CNTN4: variants seen among roughly 807,000 people sequenced by gnomAD.
The protein encoded by CNTN4 is contactin 4.
A neutral mutation model predicts 122.5 loss-of-function variants in CNTN4; 77 were observed. The ratio of observed to expected loss-of-function variants is 0.63; its 90% CI spans 0.52 to 0.76. The LOEUF (loss-of-function observed/expected upper bound fraction) is 0.76. CNTN4 is among the 30% of genes least tolerant of loss of function. CNTN4 has a pLI of 0.00. For missense variants in CNTN4, 1,256 were observed against 1,259.1 expected, an observed-to-expected ratio of 1.00 and a Z score of 0.04; for synonymous variants, 512 against 447.0, an observed-to-expected ratio of 1.15 and a Z score of -1.83.
chr3:2,824,819 C>T (rs142285778), intron 7 of CNTN4, among the ~76,000 whole-genome samples: 2,630 of 152,074 alleles, frequency 0.017, 56 homozygotes, highest in African/African-American at 0.06. Flanking sequence ...TGCACCACCA[C>T]ACCTGGCTAA....
At chr3:2,588,796 A>C (rs1229261268) in intron 4 of CNTN4, among the ~76,000 whole-genome samples, 1 of 151,890 alleles carries the variant, frequency 6.6e-6, no homozygotes, top group Non-Finnish European at 1.5e-5. Flanking sequence ...AAAAAAAAAA[A>C]AAAAAAAAAA....
At chr3:2,722,359 A>G (rs1007996459) in intron 4 of CNTN4, among the ~76,000 whole-genome samples, 3 of 152,186 alleles carry the variant, frequency 2.0e-5, no homozygotes, top group Non-Finnish European at 2.9e-5. Flanking sequence ...TGTTGAATGA[A>G]TGAAAGATGT....
intron 4 of CNTN4, among the ~76,000 whole-genome samples, chr3:2,710,105 C>G (rs1481925325): frequency 6.6e-6 from 1 of 152,122 alleles, no homozygotes; most frequent in Non-Finnish European, 1.5e-5. Flanking sequence ...TTAGTAAATA[C>G]AGAACATGCT....
At chr3:2,178,992 A>G (rs956504671) in intron 2 of CNTN4, among the ~76,000 whole-genome samples, 1 of 152,030 alleles carries the variant, frequency 6.6e-6, no homozygotes, top group African/African-American at 2.4e-5. Context: ...TACTTATTCT[A>G]TGACATTTCT....
intron 12 of CNTN4, among the ~76,000 whole-genome samples, chr3:2,903,619 G>A (rs1340768124): frequency 6.6e-6 from 1 of 152,104 alleles, no homozygotes; most frequent in Non-Finnish European, 1.5e-5. Flanking sequence ...CTCCTTCTCA[G>A]TTCGCATCTT....
chr3:2,301,855 A>G (rs760094643), intron 2 of CNTN4, among the ~76,000 whole-genome samples: 5 of 152,224 alleles, frequency 3.3e-5, no homozygotes, highest in Non-Finnish European at 7.3e-5. Context: ...TTAATATAAT[A>G]ATAACTGAAT....
chr3:2,706,080 G>T (rs28674062), intron 4 of CNTN4, among the ~76,000 whole-genome samples: 6,026 of 148,030 alleles, frequency 0.041, 187 homozygotes, highest in African/African-American at 0.071. Context: ...AACACTAAGT[G>T]TAAAGTTCTC....
chr3:2,322,736 A>G (rs1226300854), intron 2 of CNTN4, among the ~76,000 whole-genome samples: 1 of 152,246 alleles, frequency 6.6e-6, no homozygotes, highest in African/African-American at 2.4e-5. Context: ...AAAAGTGAAC[A>G]GAAACTTAGA....
At chr3:2,695,716 T>C (rs945625718) in intron 4 of CNTN4, among the ~76,000 whole-genome samples, 1 of 152,208 alleles carries the variant, frequency 6.6e-6, no homozygotes, top group Non-Finnish European at 1.5e-5. Flanking sequence ...CATTTCAATA[T>C]GATGCTGCAA....
intron 13 of CNTN4, among the ~76,000 whole-genome samples, chr3:2,963,612 A>G (rs2094883461): frequency 6.6e-6 from 1 of 152,164 alleles, no homozygotes; most frequent in Non-Finnish European, 1.5e-5. Flanking sequence ...ATCTTAGCTC[A>G]AGTAATACAA....
At chr3:3,042,235 C>T (rs1241849287) in intron 20 of CNTN4, 75 bp from the exon 21 acceptor site, 1 of 1,057,128 alleles carries the variant, frequency 9.5e-7, no homozygotes, top group African/African-American at 1.6e-5. Context: ...ATTATTTTAC[C>T]TTATAATGCT....
chr3:2,845,746 C>A (rs1388005932), intron 7 of CNTN4, among the ~76,000 whole-genome samples: 1 of 152,156 alleles, frequency 6.6e-6, no homozygotes, highest in Non-Finnish European at 1.5e-5. Flanking sequence ...ATGAGGCTAA[C>A]AGAGAGTCAG....
intron 3 of CNTN4, among the ~76,000 whole-genome samples, chr3:2,442,991 TAGGG>T (rs2048492161): frequency 6.6e-6 from 1 of 151,830 alleles, no homozygotes; most frequent in South Asian, 2.1e-4. Context: ...TTATGAAAAA[TAGGG>T]AGGGTGTAAG....
intron 8 of CNTN4, among the ~76,000 whole-genome samples, chr3:2,880,418 A>G (rs1191660565): frequency 6.6e-6 from 1 of 152,226 alleles, no homozygotes. Context: ...ACACAGCACT[A>G]AAAGGTGTTA....
chr3:2,297,626 G>T (rs973621136), intron 2 of CNTN4, among the ~76,000 whole-genome samples: 3 of 151,950 alleles, frequency 2.0e-5, no homozygotes, highest in Non-Finnish European at 4.4e-5. Flanking sequence ...TTTATTTTCC[G>T]TCTACCTACA....
At chr3:2,298,837 T>G (rs1157099257) in intron 2 of CNTN4, among the ~76,000 whole-genome samples, 1 of 152,156 alleles carries the variant, frequency 6.6e-6, no homozygotes, top group Non-Finnish European at 1.5e-5. Context: ...GCCATGATAG[T>G]TTTTGTGAGG....
intron 4 of CNTN4, among the ~76,000 whole-genome samples, chr3:2,657,954 T>C (rs567455106): frequency 6.6e-6 from 1 of 150,560 alleles, no homozygotes; most frequent in African/African-American, 2.4e-5. Context: ...ATAGAATGTA[T>C]CAGGTGGTAA....
At chr3:2,141,353 A>T (rs1465675421) in intron 2 of CNTN4, among the ~76,000 whole-genome samples, 1 of 152,150 alleles carries the variant, frequency 6.6e-6, no homozygotes, top group Non-Finnish European at 1.5e-5. Context: ...AGTTGTGATT[A>T]TGTGATTGCT....
At chr3:2,690,734 A>C (rs1400203) in intron 4 of CNTN4, among the ~76,000 whole-genome samples, 3,100 of 152,264 alleles carry the variant, frequency 0.02, 116 homozygotes, top group African/African-American at 0.071. Context: ...CTTCAGCTGT[A>C]AAAAATCAAA....
Sources: allele counts gnomAD v4.1 joint callset (sites outside exome capture counted in the v4.1 genomes callset), GRCh38; gene constraint gnomAD v4.1.1; transcripts MANE v1.5; gene names NCBI Gene and HGNC (gene_info 2026-07-23, HGNC 2026-07-21).